GABRG3: variants seen among roughly 807,000 people sequenced by gnomAD.
GABRG3 encodes gamma-aminobutyric acid receptor subunit gamma-3.
GABRG3 carries 25 observed loss-of-function variants against 48.8 expected under a neutral mutation model. The ratio of observed to expected loss-of-function variants is 0.51; its 90% CI spans 0.37 to 0.72. The LOEUF (loss-of-function observed/expected upper bound fraction) is 0.72, where lower values mean the gene tolerates loss of function less well. Among genes scored for constraint, GABRG3 ranks in the 30% least tolerant of loss-of-function variants. The pLI, the probability that GABRG3 is intolerant of heterozygous loss-of-function variation, is 0.00. For synonymous variants in GABRG3, 227 were observed against 217.6 expected, an observed-to-expected ratio of 1.04 and a Z score of -0.38; for missense variants, 394 against 577.9, an observed-to-expected ratio of 0.68 and a Z score of 3.26.
At chr15:27,287,778 G>T (rs1207216074) in intron 3 of GABRG3, among the ~76,000 whole-genome samples, 3 of 129,946 alleles carry the variant, frequency 2.3e-5, no homozygotes, top group African/African-American at 6.1e-5. Context: ...TCGCTCTGTT[G>T]CCCAGGCTGG....
chr15:27,154,901 T>C (rs1898390401), intron 3 of GABRG3, among the ~76,000 whole-genome samples: 1 of 152,178 alleles, frequency 6.6e-6, no homozygotes, highest in Non-Finnish European at 1.5e-5. Flanking sequence ...AGATTGTATA[T>C]AATTTGTATT....
Position 27,533,316 on chromosome 15 carries a change from C to T in GABRG3, c.*435C>T, listed in dbSNP as rs777142938. ...TCAGGAGTGTTGAATCACCCCTGGC[C>T]GAGACCCACTCCTGCTGGCTCAGCC... On this transcript the variant is annotated 3_prime_UTR_variant, in exon 10 of 10. Coordinates refer to ENST00000615808, the MANE Select transcript of GABRG3 (RefSeq NM_033223.5). 6 of 167,466 alleles carry T rather than the reference C, an allele frequency of 3.6e-5. No individual in the cohort carries two copies. Among genetic ancestry groups the T allele is most frequent in the South Asian group, 1.6e-4 (1 of 6,262 alleles). 10.4% of individuals were successfully genotyped at this position (167,466 alleles called of 1,614,324 possible). A position where few individuals can be genotyped will look rare whatever the true frequency, so the allele number is the denominator to read the frequency against.
chr15:27,270,017 A>G (rs1295862696), intron 3 of GABRG3, among the ~76,000 whole-genome samples: 1 of 152,188 alleles, frequency 6.6e-6, no homozygotes, highest in Non-Finnish European at 1.5e-5. Flanking sequence ...CCTCTTATAG[A>G]GAAGTGATTC....
At chr15:27,077,797 C>T (rs1232044022) in intron 3 of GABRG3, among the ~76,000 whole-genome samples, 1 of 152,114 alleles carries the variant, frequency 6.6e-6, no homozygotes, top group Non-Finnish European at 1.5e-5. Context: ...TCTCTCTTGT[C>T]CTAAACAGTA....
intron 6 of GABRG3, among the ~76,000 whole-genome samples, chr15:27,506,591 C>A (rs1890765868): frequency 2.0e-5 from 3 of 152,104 alleles, no homozygotes; most frequent in Non-Finnish European, 4.4e-5. Flanking sequence ...AAGAATGCAG[C>A]CCTGCTGGTA....
intron 3 of GABRG3, among the ~76,000 whole-genome samples, chr15:27,143,619 TG>T (rs1898145724): frequency 6.6e-6 from 1 of 152,238 alleles, no homozygotes. Flanking sequence ...TTTGAGATGA[TG>T]CCGTGGAAAG....
intron 3 of GABRG3, among the ~76,000 whole-genome samples, chr15:27,249,838 A>G (rs910291438): frequency 2.6e-5 from 4 of 152,222 alleles, no homozygotes; most frequent in African/African-American, 7.2e-5. Context: ...TACATCCAGA[A>G]GGAAGTTTCT....
In GABRG3 at chr15:27,021,421, G is replaced by A. The variant is rs182364816; in HGVS notation, c.203-5333G>A. On this transcript the variant is annotated intron_variant, in intron 2 of 9. Transcript: ENST00000615808. ...TTTCTTGTTGAGGGTGCTAAAAGGT[G>A]CCCATGACCTAAAAGTAGGAAGTAA... Among the ~76,000 whole-genome samples, 10 of 152,288 alleles carry A rather than the reference G, an allele frequency of 6.6e-5. No homozygotes were observed. In the East Asian group the frequency reaches 1.7e-3, roughly 26 times the overall value.
chr15:27,225,403 A>G (rs1038017835), intron 3 of GABRG3, among the ~76,000 whole-genome samples: 1 of 151,990 alleles, frequency 6.6e-6, no homozygotes, highest in African/African-American at 2.4e-5. Flanking sequence ...TGGACTGCCA[A>G]TTGTTTAGTC....
Position 27,305,632 on chromosome 15 carries a change from A to C in GABRG3, c.271-21177A>C, listed in dbSNP as rs190156156. ...TTATATATAAACATATATATAATAT[A>C]AACCTATATGTTTATATATAAACAT... On this transcript the variant is annotated intron_variant, in intron 3 of 9. Transcript: ENST00000615808. Among the ~76,000 whole-genome samples the C allele has an allele frequency of 9.7e-3, 1,355 of 138,990 alleles. 38 individuals carry two copies. The highest frequency in any genetic ancestry group is 0.033 in the African/African-American group (1,272 of 38,310). 91.2% of individuals were successfully genotyped at this position (138,990 alleles called of 152,430 possible).
chr15:27,098,154 C>T lies in GABRG3; in HGVS notation c.270+71333C>T. Among the ~76,000 whole-genome samples the T allele has an allele frequency of 1.3e-5, 2 of 151,984 alleles. 1 individual carries two copies. Among genetic ancestry groups the T allele is most frequent in the Non-Finnish European group, 2.9e-5 (2 of 68,010 alleles). On this transcript the variant is annotated intron_variant, in intron 3 of 9. Transcript: ENST00000615808. ...TCTTTTAAAAAATACTGAATGTTGG[C>T]CAGGTGTGGTGGCTCACGTCTGTAA...
intron 3 of GABRG3, among the ~76,000 whole-genome samples, chr15:27,267,291 G>A (rs992701704): frequency 6.6e-6 from 1 of 151,790 alleles, no homozygotes; most frequent in African/African-American, 2.4e-5. Context: ...ATTTTTAGTA[G>A]TGACAGGGTT....
At chr15:27,289,570 T>C (rs1891731027) in intron 3 of GABRG3, among the ~76,000 whole-genome samples, 1 of 152,224 alleles carries the variant, frequency 6.6e-6, no homozygotes, top group Admixed American at 6.5e-5. Flanking sequence ...AGACAAAGAA[T>C]CTAGGACTGT....
chr15:27,116,665 CA>C (rs1897646599), intron 3 of GABRG3, among the ~76,000 whole-genome samples: 1 of 152,128 alleles, frequency 6.6e-6, no homozygotes, highest in South Asian at 2.1e-4. Context: ...ACTTAATCTC[CA>C]ATGCAATAGT....
intron 3 of GABRG3, among the ~76,000 whole-genome samples, chr15:27,193,076 A>G (rs1300469637): frequency 6.6e-6 from 1 of 152,092 alleles, no homozygotes; most frequent in Non-Finnish European, 1.5e-5. Context: ...TTCCTCTGGA[A>G]GTTTTGTCTC....
At chr15:27,227,401 G>A (rs1889657771) in intron 3 of GABRG3, among the ~76,000 whole-genome samples, 1 of 152,278 alleles carries the variant, frequency 6.6e-6, no homozygotes, top group East Asian at 1.9e-4. Context: ...GGGAGGCTGA[G>A]GGGGGAGGAT....
intron 2 of GABRG3, among the ~76,000 whole-genome samples, chr15:27,001,597 G>C (rs1895448356): frequency 6.6e-6 from 1 of 152,222 alleles, no homozygotes; most frequent in Non-Finnish European, 1.5e-5. Flanking sequence ...TTTAGCTATG[G>C]TTTCACTGGG....
chr15:27,286,188 C>A (rs1047530844), intron 3 of GABRG3, among the ~76,000 whole-genome samples: 1 of 152,144 alleles, frequency 6.6e-6, no homozygotes, highest in African/African-American at 2.4e-5. Context: ...CTGATATGTA[C>A]GGATATGTAC....
intron 3 of GABRG3, among the ~76,000 whole-genome samples, chr15:27,122,056 G>T (rs1216644133): frequency 6.6e-6 from 1 of 152,116 alleles, no homozygotes; most frequent in Non-Finnish European, 1.5e-5. Context: ...GCACAAGAGG[G>T]TAACTTTAGT....
Sources: gnomAD v4.1 joint callset for allele counts (sites outside exome capture counted in the v4.1 genomes callset) on GRCh38, gnomAD v4.1.1 for gene constraint, MANE v1.5 for transcripts, NCBI Gene and HGNC (gene_info 2026-07-23, HGNC 2026-07-21) for gene names.